The following HCFC2 variants were observed in gnomAD, a reference collection of about 807,000 sequenced individuals.
HCFC2 encodes the protein host cell factor 2.
A neutral mutation model predicts 89.2 loss-of-function variants in HCFC2; 18 were observed. The observed-to-expected ratio is 0.20, with a 90% CI of 0.14 to 0.30. The LOEUF (loss-of-function observed/expected upper bound fraction) is 0.30. Among genes scored for constraint, HCFC2 ranks in the 10% least tolerant of loss-of-function variants. The probability of loss-of-function intolerance (pLI) is 1.00; values close to 1 mark genes in which losing one functional copy is unlikely to be tolerated. For missense variants in HCFC2, 578 were observed against 956.1 expected (o/e 0.60, Z 5.21); for synonymous variants, 308 against 335.7 (o/e 0.92, Z 0.90).
chr12:104,082,534 G>T lies in HCFC2; in HGVS notation c.802G>T (p.Gly268Trp). ...YIFGGWVPHK[G>W]ENTETSPHDC... is the part of the protein sequence containing the mutation. Reference sequence around the variant, plus strand: ...TTTTGGTGGATGGGTCCCACATAAGGGGGAAAATACTGAGACTTCACCTCA... The same window carrying T: ...TTTTGGTGGATGGGTCCCACATAAGTGGGAAAATACTGAGACTTCACCTCA... Residue 268 changes from glycine to tryptophan, a missense_variant, in exon 6 of 15, where the codon GGG becomes TGG. Transcript: ENST00000229330. 1 of 1,612,870 alleles carries T rather than the reference G, an allele frequency of 6.2e-7. No homozygotes were observed. Among genetic ancestry groups the T allele is most frequent in the Non-Finnish European group, 8.5e-7 (1 of 1,178,980 alleles).
chr12:104,069,967 G>A (rs1883269151), intron 3 of HCFC2, among the ~76,000 whole-genome samples: 1 of 151,996 alleles, frequency 6.6e-6, no homozygotes, highest in East Asian at 1.9e-4. Context: ...TTCTGTTTCT[G>A]TGTTAGTTTG....
At chr12:104,085,811 C>T (rs954004669) in intron 7 of HCFC2, among the ~76,000 whole-genome samples, 3 of 151,636 alleles carry the variant, frequency 2.0e-5, no homozygotes, top group African/African-American at 7.3e-5. Flanking sequence ...TTTGCTCGCA[C>T]CTTTCCTCAT....
At chr12:104,093,676 A>G (rs1001118234) in intron 10 of HCFC2, 113 bp downstream of exon 10, 4 of 858,272 alleles carry the variant, frequency 4.7e-6, no homozygotes, top group Non-Finnish European at 7.1e-6. Flanking sequence ...ATAGCAAAAA[A>G]CTGCCATATT....
intron 3 of HCFC2, among the ~76,000 whole-genome samples, chr12:104,071,104 C>A (rs1883312742): frequency 6.6e-6 from 1 of 152,164 alleles, no homozygotes; most frequent in Admixed American, 6.5e-5. Flanking sequence ...CCACGCCCGG[C>A]CAATACTTTT....
At chr12:104,087,477 A>ATGTGTG (rs1278199050) in intron 8 of HCFC2, among the ~76,000 whole-genome samples, 1 of 145,156 alleles carries the variant, frequency 6.9e-6, no homozygotes, top group East Asian at 2.0e-4. Flanking sequence ...ATATATATAT[A>ATGTGTG]TATATATGTA....
At chr12:104,089,018 C>T (rs1410521086) in intron 9 of HCFC2, among the ~76,000 whole-genome samples, 2 of 152,132 alleles carry the variant, frequency 1.3e-5, no homozygotes, top group African/African-American at 4.8e-5. Flanking sequence ...CCTTCTGTAT[C>T]TGCAGGGCTT....
intron 7 of HCFC2, among the ~76,000 whole-genome samples, chr12:104,083,752 G>A (rs1883751825): frequency 6.6e-6 from 1 of 152,152 alleles, no homozygotes; most frequent in South Asian, 2.1e-4. Context: ...GAGGCTGGGT[G>A]CAGTGGCTCA....
intron 7 of HCFC2, among the ~76,000 whole-genome samples, chr12:104,083,551 G>C (rs1378629930): frequency 6.6e-6 from 1 of 152,136 alleles, no homozygotes; most frequent in Non-Finnish European, 1.5e-5. Context: ...GGTGAAATCT[G>C]AGTTGTCTAT....
intron 9 of HCFC2, among the ~76,000 whole-genome samples, chr12:104,088,617 C>T (rs1246349886): frequency 6.6e-6 from 1 of 152,154 alleles, no homozygotes; most frequent in East Asian, 1.9e-4. Context: ...CCATCTACCT[C>T]AGTAGACTGT....
intron 12 of HCFC2, chr12:104,097,721 T>A (rs1178955495): frequency 1.3e-6 from 1 of 755,440 alleles, no homozygotes; most frequent in African/African-American, 1.9e-5. Flanking sequence ...ATAATTCACT[T>A]ACCACTAAAA....
At position 104,064,798 on chromosome 12, in the gene HCFC2, G is replaced by A. The variant is rs1258304088; in HGVS notation, c.163+75G>A. ...GGAGGGGAGGCGAGGCGGCGGCCGC[G>A]GCCCTGACAGCTGTCACCGCCCGGT... On this transcript the variant is annotated intron_variant, in intron 1 of 14. Coordinates refer to ENST00000229330, the MANE Select transcript of HCFC2 (RefSeq NM_013320.3). This position sits in a 1 kb window ranked among gnomAD's most constrained non-coding sequence, Gnocchi z 7.3. 1.2e-5 allele frequency: 16 copies of A among 1,388,552 alleles called. No homozygotes were observed. Among genetic ancestry groups the A allele is most frequent in the South Asian group, 1.4e-5 (1 of 71,390 alleles). The allele number at this position is 1,388,552 out of a possible 1,614,324, so 86.0% of individuals were successfully genotyped here.
intron 8 of HCFC2, among the ~76,000 whole-genome samples, chr12:104,087,469 ATATATATATATATATG>A (rs1883897594): frequency 0.03 from 5 of 166 alleles, no homozygotes; most frequent in Admixed American, 0.28. Context: ...ATATATACAT[ATATATATATATATATG>A]TATATATATA....
chr12:104,096,450 G>C lies in HCFC2; in HGVS notation c.1740+17G>C. 1 of 1,567,228 alleles carries C rather than the reference G, an allele frequency of 6.4e-7. No homozygotes were observed. Among genetic ancestry groups the C allele is most frequent in the South Asian group, 1.1e-5 (1 of 88,558 alleles). The stretch of plus-strand genomic sequence containing the variant: ...CCGTTTTCTGTAAGTACATGACCTG[G>C]TGATGATGCATGTTTACACATGATT... On this transcript the variant is annotated intron_variant, in intron 12 of 14. Coordinates refer to ENST00000229330, the MANE Select transcript of HCFC2 (RefSeq NM_013320.3).
At chr12:104,101,838 T>G (rs2029948551) in intron 13 of HCFC2, 130 bp from the exon 14 acceptor site, 1 of 527,904 alleles carries the variant, frequency 1.9e-6, no homozygotes, top group Non-Finnish European at 3.1e-6. Context: ...GGGAGATAAA[T>G]GTGAACCAGA....
chr12:104,066,318 A>G lies in HCFC2; in HGVS notation c.312+3A>G. 6.3e-7 allele frequency: 1 copy of G among 1,576,468 alleles called. No homozygotes were observed. Among genetic ancestry groups the G allele is most frequent in the Non-Finnish European group, 8.6e-7 (1 of 1,162,826 alleles). ...GCAATGAGTTATATGAGTTACAAGT[A>G]AGTGTATTTAATATTGTTTCATTCT... On this transcript the variant is annotated splice_donor_region_variant and intron_variant, in intron 2 of 14. Transcript: ENST00000229330.
At chr12:104,080,480 GT>G (rs1883652164) in intron 4 of HCFC2, 1 of 271,728 alleles carries the variant, frequency 3.7e-6, no homozygotes, top group Non-Finnish European at 7.0e-6. Flanking sequence ...CAAAGATTTT[GT>G]GAATATTTTC....
At chr12:104,086,067 G>A (rs1452774646) in intron 7 of HCFC2, among the ~76,000 whole-genome samples, 2 of 145,802 alleles carry the variant, frequency 1.4e-5, no homozygotes, top group East Asian at 2.0e-4. Context: ...TTGCGACCTC[G>A]GCTCACTGCA....
At position 104,104,123 on chromosome 12, in the gene HCFC2, TA is replaced by T. The variant is rs1158793543; in HGVS notation, c.*854del. 6.6e-6 allele frequency: 1 copy of T among 152,034 alleles called. No individual in the cohort carries two copies. Among genetic ancestry groups the T allele is most frequent in the Non-Finnish European group, 1.5e-5 (1 of 67,916 alleles). 9.4% of individuals were successfully genotyped at this position (152,034 alleles called of 1,614,324 possible). On this transcript the variant is annotated 3_prime_UTR_variant, in exon 15 of 15. Coordinates refer to ENST00000229330, the MANE Select transcript of HCFC2 (RefSeq NM_013320.3). Reference sequence around the variant, plus strand: ...TTAATGGCTCTAATTTTGCTTTTGCTAAAATTAAAATCTTCATAATTGAATT... The same window carrying T: ...TTAATGGCTCTAATTTTGCTTTTGCTAAATTAAAATCTTCATAATTGAATT...
Position 104,106,400 on chromosome 12 carries a change from C to T in HCFC2, c.*3127C>T, listed in dbSNP as rs778232136. On this transcript the variant is annotated 3_prime_UTR_variant, in exon 15 of 15. Transcript: ENST00000229330. ...TAAATGAAGTAGCTTGCAAAATAGA[C>T]TTGGTCTTTGACCCTTTAAGGTGTA... 6.6e-6 allele frequency: 1 copy of T among 152,088 alleles called. No individual in the cohort carries two copies. Among genetic ancestry groups the T allele is most frequent in the South Asian group, 2.1e-4 (1 of 4,834 alleles). The allele number at this position is 152,088 out of a possible 1,614,324, so 9.4% of individuals were successfully genotyped here. A position where few individuals can be genotyped will look rare whatever the true frequency, so the allele number is the denominator to read the frequency against.
Sources: gnomAD v4.1 joint callset for allele counts (sites outside exome capture counted in the v4.1 genomes callset) on GRCh38, gnomAD v4.1.1 for gene constraint, Gnocchi (gnomAD v3.1) non-coding constraint, MANE v1.5 for transcripts, NCBI Gene and HGNC (gene_info 2026-07-23, HGNC 2026-07-21) for gene names.